Variants in ASIC2 observed in about 807,000 individuals in gnomAD.
The protein encoded by ASIC2 is acid sensing ion channel subunit 2, also known as acid-sensing ion channel 2.
A neutral mutation model predicts 57.3 loss-of-function variants in ASIC2; 25 were observed. That is an observed-to-expected ratio of 0.44 (90% CI 0.32 to 0.61). The LOEUF is 0.61. Among genes scored for constraint, ASIC2 ranks in the 20% least tolerant of loss-of-function variants. ASIC2 has a pLI of 0.06. For synonymous variants in ASIC2, 319 were observed against 307.5 expected (o/e 1.04, Z -0.39); for missense variants, 641 against 738.1 (o/e 0.87, Z 1.52).
intron 1 of ASIC2, among the ~76,000 whole-genome samples, chr17:33,184,054 A>T (rs549492681): frequency 6.6e-6 from 1 of 152,320 alleles, no homozygotes; most frequent in South Asian, 2.1e-4. Flanking sequence ...CAACTGGTAC[A>T]TTAAATAGTA....
At chr17:33,897,130 T>C (rs1481381367) in intron 1 of ASIC2, among the ~76,000 whole-genome samples, 2 of 152,182 alleles carry the variant, frequency 1.3e-5, no homozygotes, top group Admixed American at 1.3e-4. Context: ...AAATGGGCTA[T>C]ATGTGTGTGT....
At chr17:33,622,670 G>A (rs1003345316) in intron 1 of ASIC2, among the ~76,000 whole-genome samples, 1 of 152,186 alleles carries the variant, frequency 6.6e-6, no homozygotes, top group Non-Finnish European at 1.5e-5. Flanking sequence ...ATATTCTCAT[G>A]TTATAGGATA....
intron 1 of ASIC2, among the ~76,000 whole-genome samples, chr17:33,409,965 G>A (rs998551247): frequency 2.0e-5 from 3 of 152,144 alleles, no homozygotes; most frequent in South Asian, 2.1e-4. Context: ...CCAGCTCAGG[G>A]CAGCTCATTC....
chr17:34,007,050 A>G (rs2142018672), intron 1 of ASIC2, among the ~76,000 whole-genome samples: 1 of 152,334 alleles, frequency 6.6e-6, no homozygotes, highest in African/African-American at 2.4e-5. Flanking sequence ...CATGGAAGGG[A>G]CATGACATGG....
chr17:33,418,215 G>C (rs190677811), intron 1 of ASIC2, among the ~76,000 whole-genome samples: 19 of 152,230 alleles, frequency 1.2e-4, no homozygotes, highest in African/African-American at 4.3e-4. Context: ...AGATATTGAA[G>C]GGTAGGATTC....
chr17:33,260,834 T>A (rs1909253436), intron 1 of ASIC2, among the ~76,000 whole-genome samples: 1 of 152,148 alleles, frequency 6.6e-6, no homozygotes, highest in African/African-American at 2.4e-5. Context: ...GCAGCCCCAG[T>A]GCGTCTGCAT....
chr17:33,403,967 G>A (rs919079013), intron 1 of ASIC2, among the ~76,000 whole-genome samples: 4 of 152,180 alleles, frequency 2.6e-5, no homozygotes, highest in Non-Finnish European at 5.9e-5. Context: ...AGTGGCTACC[G>A]GGATTTCTAG....
intron 1 of ASIC2, among the ~76,000 whole-genome samples, chr17:33,572,965 C>T (rs1264249928): frequency 6.6e-6 from 1 of 152,232 alleles, no homozygotes. Flanking sequence ...ATCTGCCTAT[C>T]ATATTTTGGA....
intron 1 of ASIC2, among the ~76,000 whole-genome samples, chr17:34,083,679 A>C (rs1255670592): frequency 6.6e-6 from 1 of 152,166 alleles, no homozygotes; most frequent in African/African-American, 2.4e-5. Flanking sequence ...CCTCTCCAGC[A>C]CCTGTTGTTT....
chr17:34,073,297 T>A (rs995318317), intron 1 of ASIC2, among the ~76,000 whole-genome samples: 3 of 152,170 alleles, frequency 2.0e-5, no homozygotes, highest in African/African-American at 7.2e-5. Flanking sequence ...AATGTACAAG[T>A]ATGTCTATGT....
intron 1 of ASIC2, among the ~76,000 whole-genome samples, chr17:33,134,256 C>T (rs575191820): frequency 1.3e-5 from 2 of 152,216 alleles, no homozygotes; most frequent in East Asian, 1.9e-4. Flanking sequence ...CAAGGTAGAG[C>T]TGGGATTCAC....
intron 1 of ASIC2, among the ~76,000 whole-genome samples, chr17:34,128,504 T>G (rs1911856019): frequency 6.6e-6 from 1 of 152,170 alleles, no homozygotes; most frequent in African/African-American, 2.4e-5. Flanking sequence ...AGGGGCCTGT[T>G]TATGTCACTG....
intron 1 of ASIC2, among the ~76,000 whole-genome samples, chr17:33,616,734 G>A (rs1320353532): frequency 6.6e-6 from 1 of 152,232 alleles, no homozygotes; most frequent in Non-Finnish European, 1.5e-5. Flanking sequence ...TGCCAGCAGA[G>A]ATTCTGCCAA....
intron 3 of ASIC2, chr17:33,052,526 C>G (rs2091980929): frequency 1.3e-5 from 2 of 152,348 alleles, no homozygotes; most frequent in South Asian, 4.2e-4. Flanking sequence ...ACAGGAAGCT[C>G]CTGGCATTGA....
At chr17:33,172,958 T>G (rs1324218664) in intron 1 of ASIC2, among the ~76,000 whole-genome samples, 4 of 147,872 alleles carry the variant, frequency 2.7e-5, no homozygotes, top group Non-Finnish European at 6.2e-5. Flanking sequence ...TGGCTGCTCC[T>G]GTGCCTGGCT....
At chr17:33,083,017 A>C (rs2092119514) in intron 3 of ASIC2, among the ~76,000 whole-genome samples, 1 of 152,184 alleles carries the variant, frequency 6.6e-6, no homozygotes, top group African/African-American at 2.4e-5. Flanking sequence ...AAACGATATG[A>C]ATATATCATC....
chr17:33,121,376 G>T (rs530958877), intron 1 of ASIC2, among the ~76,000 whole-genome samples: 4 of 152,216 alleles, frequency 2.6e-5, no homozygotes, highest in Non-Finnish European at 5.9e-5. Context: ...ACTGGGTGGT[G>T]CCAGGCACTG....
chr17:33,215,998 C>A (rs959052424), intron 1 of ASIC2, among the ~76,000 whole-genome samples: 20 of 152,128 alleles, frequency 1.3e-4, no homozygotes, highest in Non-Finnish European at 1.5e-5. Context: ...CAAGCCCGGC[C>A]ACATGTGGCT....
In ASIC2 at chr17:33,293,037, T is replaced by C; in HGVS notation, c.-922A>G. ...GCCTTGCTGTCTCTCGCGTCTTCTC[T>C]CTGCCCCCGCGGCGACAAGAGCTGG... On this transcript the variant is annotated 5_prime_UTR_variant, in exon 1 of 10. Coordinates refer to ENST00000225823, the MANE Select transcript of ASIC2 (RefSeq NM_183377.2). 2 of 985,588 alleles carry C rather than the reference T, an allele frequency of 2.0e-6. No individual in the cohort carries two copies. The highest frequency in any genetic ancestry group is 2.4e-6 in the Non-Finnish European group (2 of 830,056). 61.1% of individuals were successfully genotyped at this position (985,588 alleles called of 1,614,324 possible). A position where few individuals can be genotyped will look rare whatever the true frequency, so the allele number is the denominator to read the frequency against.
Sources: gnomAD v4.1 joint callset for allele counts (sites outside exome capture counted in the v4.1 genomes callset) on GRCh38, gnomAD v4.1.1 for gene constraint, MANE v1.5 for transcripts, NCBI Gene and HGNC (gene_info 2026-07-23, HGNC 2026-07-21) for gene names.